KAT2B: variants seen among roughly 807,000 people sequenced by gnomAD.
KAT2B encodes the protein histone acetyltransferase KAT2B.
A neutral mutation model predicts 105.9 loss-of-function variants in KAT2B; 36 were observed. The observed-to-expected ratio is 0.34, with a 90% CI of 0.26 to 0.45. The LOEUF is 0.45. Among genes scored for constraint, KAT2B ranks in the 20% least tolerant of loss-of-function variants. The pLI, the probability that KAT2B is intolerant of heterozygous loss-of-function variation, is 1.00. For synonymous variants in KAT2B, 397 were observed against 377.9 expected (o/e 1.05, Z -0.59); for missense variants, 820 against 1,021.6 (o/e 0.80, Z 2.69).
At chr3:20,129,007 CAAAAAAAAAAAAA>C (rs534566854) in intron 11 of KAT2B, among the ~76,000 whole-genome samples, 2 of 57,284 alleles carry the variant, frequency 3.5e-5, no homozygotes, top group African/African-American at 1.6e-4. Flanking sequence ...AACTCCATCT[CAAAAAAAAAAAAA>C]AAAAAAAAAG....
At chr3:20,060,111 A>C (rs1275776946) in intron 1 of KAT2B, among the ~76,000 whole-genome samples, 1 of 152,184 alleles carries the variant, frequency 6.6e-6, no homozygotes, top group Non-Finnish European at 1.5e-5. Context: ...ACTAGAACAC[A>C]TTTTGCTTAT....
chr3:20,125,046 G>A (rs191672030), intron 9 of KAT2B, among the ~76,000 whole-genome samples: 217 of 152,268 alleles, frequency 1.4e-3, no homozygotes, highest in Non-Finnish European at 1.8e-3. Flanking sequence ...ACATGAGGCC[G>A]GGCGCGGTGG....
intron 1 of KAT2B, among the ~76,000 whole-genome samples, chr3:20,045,680 A>G (rs1697797287): frequency 6.6e-6 from 1 of 152,194 alleles, no homozygotes; most frequent in Non-Finnish European, 1.5e-5. Context: ...TTAATACGTA[A>G]GAGGAGGCAA....
intron 1 of KAT2B, among the ~76,000 whole-genome samples, chr3:20,048,674 G>C (rs1262921908): frequency 1.3e-5 from 2 of 152,122 alleles, no homozygotes; most frequent in Non-Finnish European, 2.9e-5. Context: ...TTCTGATTTA[G>C]TTAGTCTGTC....
At chr3:20,123,546 A>G (rs1699348806) in intron 9 of KAT2B, among the ~76,000 whole-genome samples, 1 of 152,246 alleles carries the variant, frequency 6.6e-6, no homozygotes, top group Admixed American at 6.5e-5. Flanking sequence ...AATATTTATT[A>G]TCTGGCTTTT....
At chr3:20,062,265 T>TAAAAATATATATAA in intron 1 of KAT2B, among the ~76,000 whole-genome samples, 1 of 48,006 alleles carries the variant, frequency 2.1e-5, no homozygotes, top group South Asian at 4.2e-4. Flanking sequence ...ATATGATATA[T>TAAAAATATATATAA]AATATATAAT....
At chr3:20,152,230 A>G (rs1699880072) in intron 17 of KAT2B, 102 bp from the exon 18 acceptor site, 1 of 692,184 alleles carries the variant, frequency 1.4e-6, no homozygotes. Flanking sequence ...GATGATAAAA[A>G]TGTAATCAAA....
At position 20,040,585 on chromosome 3, in the gene KAT2B, C is replaced by T. The variant is rs1023602123; in HGVS notation, c.108C>T (p.Pro36=). 1.2e-4 allele frequency: 138 copies of T among 1,175,078 alleles called. 1 individual carries two copies. The South Asian group carries it at 3.4e-3, about 29-fold the overall frequency. 72.8% of individuals were successfully genotyped at this position (1,175,078 alleles called of 1,614,324 possible). A position where few individuals can be genotyped will look rare whatever the true frequency, so the allele number is the denominator to read the frequency against. ...PPQPAALPPA[P]PQGSPCAAAA... ...AGCCTGCGGCGCTTCCGCCCGCGCC[C>T]CCGCAGGGCTCCCCCTGCGCCGCTG... Residue 36 remains proline, a synonymous_variant, in exon 1 of 18, where the codon CCC becomes CCT. Coordinates refer to ENST00000263754, the MANE Select transcript of KAT2B (RefSeq NM_003884.5).
intron 1 of KAT2B, among the ~76,000 whole-genome samples, chr3:20,044,426 AT>A (rs770859350): frequency 6.7e-4 from 102 of 151,372 alleles, no homozygotes; most frequent in African/African-American, 1.5e-3. Flanking sequence ...AAAAAAAAAA[AT>A]AAATAAATAA....
chr3:20,095,826 G>T (rs1450452729), intron 3 of KAT2B, among the ~76,000 whole-genome samples: 1 of 152,220 alleles, frequency 6.6e-6, no homozygotes, highest in Non-Finnish European at 1.5e-5. Flanking sequence ...GTGGTGATAA[G>T]TGTTGGCCGA....
chr3:20,092,273 G>T, intron 2 of KAT2B, among the ~76,000 whole-genome samples: 1 of 128,748 alleles, frequency 7.8e-6, no homozygotes, highest in African/African-American at 2.9e-5. Flanking sequence ...CTGTTGCCTA[G>T]GCTGGAGTGC....
chr3:20,098,425 A>G (rs973523273), intron 3 of KAT2B, among the ~76,000 whole-genome samples: 2 of 152,176 alleles, frequency 1.3e-5, no homozygotes, highest in South Asian at 2.1e-4. Context: ...AGTAGCACCT[A>G]CCTCAAAAGG....
intron 5 of KAT2B, among the ~76,000 whole-genome samples, chr3:20,109,431 C>T (rs1483752882): frequency 1.3e-5 from 2 of 152,190 alleles, no homozygotes; most frequent in African/African-American, 4.8e-5. Flanking sequence ...ATCCTACCTC[C>T]TCAGCCTCCC....
intron 3 of KAT2B, among the ~76,000 whole-genome samples, 193 bp downstream of exon 3, chr3:20,095,601 G>T (rs1575130415): frequency 6.6e-6 from 1 of 152,220 alleles, no homozygotes; most frequent in East Asian, 1.9e-4. Flanking sequence ...TTCTCTTTGA[G>T]GCTTTTACAC....
intron 2 of KAT2B, among the ~76,000 whole-genome samples, chr3:20,092,855 C>A (rs1000466620): frequency 6.6e-6 from 1 of 152,034 alleles, no homozygotes; most frequent in Non-Finnish European, 1.5e-5. Context: ...GCACGCACCA[C>A]CATGCCCAGC....
intron 7 of KAT2B, among the ~76,000 whole-genome samples, chr3:20,115,885 G>A (rs1699198977): frequency 6.6e-6 from 1 of 152,106 alleles, no homozygotes; most frequent in African/African-American, 2.4e-5. Context: ...AGCTTTTTGA[G>A]ACTGATAACT....
chr3:20,068,248 G>A (rs1015898111), intron 1 of KAT2B, among the ~76,000 whole-genome samples: 3 of 150,544 alleles, frequency 2.0e-5, no homozygotes, highest in East Asian at 2.0e-4. Flanking sequence ...CGCCTGCCTC[G>A]GCCTCCCAAA....
chr3:20,116,168 A>G (rs1699203695), intron 7 of KAT2B, among the ~76,000 whole-genome samples: 1 of 151,408 alleles, frequency 6.6e-6, no homozygotes, highest in Non-Finnish European at 1.5e-5. Context: ...TGCCTATTAC[A>G]TGTTTCTTCT....
At chr3:20,137,529 G>A (rs773685312) in intron 12 of KAT2B, 4 of 148,452 alleles carry the variant, frequency 2.7e-5, no homozygotes, top group Middle Eastern at 5.1e-4. Context: ...TCCTTTCTCC[G>A]TTCCTCCCTT....
Sources: allele counts gnomAD v4.1 joint callset (sites outside exome capture counted in the v4.1 genomes callset), GRCh38; gene constraint gnomAD v4.1.1; transcripts MANE v1.5; gene names NCBI Gene and HGNC (gene_info 2026-07-23, HGNC 2026-07-21).